Variants in GK5 observed in about 807,000 individuals in gnomAD.
GK5 encodes ATP:glycerol 3-phosphotransferase 5.
A neutral mutation model predicts 77.3 loss-of-function variants in GK5; 39 were observed. That is an observed-to-expected ratio of 0.50 (90% CI 0.39 to 0.66). The LOEUF (loss-of-function observed/expected upper bound fraction) is 0.66. GK5 is among the 30% of genes least tolerant of loss of function. The probability of loss-of-function intolerance (pLI) is 0.00; values close to 1 mark genes in which losing one functional copy is unlikely to be tolerated. For missense variants in GK5, 487 were observed against 633.8 expected, an observed-to-expected ratio of 0.77 and a Z score of 2.49; for synonymous variants, 211 against 208.0, an observed-to-expected ratio of 1.01 and a Z score of -0.13.
Position 142,177,482 on chromosome 3 carries a change from C to G in GK5, c.1143G>C (p.Gln381His). The G allele has an allele frequency of 6.4e-7, 1 of 1,569,558 alleles. No homozygotes were observed. The highest frequency in any genetic ancestry group is 8.8e-7 in the Non-Finnish European group (1 of 1,142,772). ...GCCATTAACTTTAAAAAATACATAC[C>G]TGTAATCCACTAAAAGATGGAACAA... ...VCFVPSFSGL[Q>H]APLNDPWACA... Residue 381 changes from glutamine (Q) to histidine (H), a missense_variant and splice_region_variant, in exon 12 of 16, where the codon CAG becomes CAC. By Grantham distance (24) the Gln-to-His change is conservative (BLOSUM62 0). Transcript: ENST00000392993.
intron 7 of GK5, 27 bp downstream of exon 7, chr3:142,186,408 ACACAAAAATGTGTGATT>A: frequency 8.6e-7 from 1 of 1,166,688 alleles, no homozygotes; most frequent in Non-Finnish European, 1.2e-6. Flanking sequence ...TATCTATATT[ACACAAAAATGTGTGATT>A]CAAAAAGAAG....
chr3:142,192,652 T>C (rs2063868578), intron 5 of GK5, among the ~76,000 whole-genome samples: 1 of 151,734 alleles, frequency 6.6e-6, no homozygotes, highest in Non-Finnish European at 1.5e-5. Flanking sequence ...TAATCTCAGC[T>C]ACTTGGGAGG....
intron 11 of GK5, among the ~76,000 whole-genome samples, chr3:142,178,615 C>T (rs1378879641): frequency 6.6e-6 from 1 of 152,178 alleles, no homozygotes; most frequent in Non-Finnish European, 1.5e-5. Context: ...ATTCTCACCT[C>T]TATATAGTAT....
intron 1 of GK5, among the ~76,000 whole-genome samples, chr3:142,221,150 T>C (rs998579536): frequency 2.6e-5 from 4 of 152,150 alleles, no homozygotes; most frequent in African/African-American, 9.7e-5. Context: ...ACAGTGACAA[T>C]ATGGGGAGTA....
chr3:142,169,538 C>T (rs1197673579), intron 15 of GK5, among the ~76,000 whole-genome samples: 1 of 152,118 alleles, frequency 6.6e-6, no homozygotes, highest in African/African-American at 2.4e-5. Context: ...TGCTCTTTGG[C>T]TATAATTTCT....
In GK5 at chr3:142,161,298, T is replaced by C. The variant is rs1028836204; in HGVS notation, c.*4324A>G. On this transcript the variant is annotated 3_prime_UTR_variant, in exon 16 of 16. Coordinates refer to ENST00000392993, the MANE Select transcript of GK5 (RefSeq NM_001039547.3). ...TTGTAGTTTTAATAGAGATGGGGTT[T>C]CTCCATGTTGGTCAGGCTGGTCTCA... is the stretch of plus-strand genomic sequence containing the variant. 8 of 152,116 alleles carry C rather than the reference T, an allele frequency of 5.3e-5. No individual in the cohort carries two copies. The highest frequency in any genetic ancestry group is 1.0e-4 in the Non-Finnish European group (7 of 68,056). The allele number at this position is 152,116 out of a possible 1,614,324, so 9.4% of individuals were successfully genotyped here.
intron 13 of GK5, among the ~76,000 whole-genome samples, chr3:142,171,999 T>C (rs1009994282): frequency 6.6e-6 from 1 of 152,116 alleles, no homozygotes; most frequent in African/African-American, 2.4e-5. Flanking sequence ...TGACTCAATT[T>C]TGGGGTACAA....
intron 5 of GK5, 25 bp from the exon 6 acceptor site, chr3:142,187,804 C>T (rs764800437): frequency 1.5e-5 from 24 of 1,586,652 alleles, no homozygotes; most frequent in South Asian, 2.3e-5. Flanking sequence ...AGCACAAAAT[C>T]GATTCAAAAA....
intron 5 of GK5, among the ~76,000 whole-genome samples, chr3:142,192,452 C>A (rs1243375537): frequency 6.6e-6 from 1 of 152,158 alleles, no homozygotes; most frequent in African/African-American, 2.4e-5. Flanking sequence ...CTGGAAGTAA[C>A]CAAGATGTTT....
In GK5 at chr3:142,163,102, G is replaced by A. The variant is rs936643083; in HGVS notation, c.*2520C>T. 2.6e-5 allele frequency: 4 copies of A among 151,284 alleles called. No homozygotes were observed. Among genetic ancestry groups the A allele is most frequent in the Admixed American group, 2.6e-4 (4 of 15,184 alleles). 9.4% of individuals were successfully genotyped at this position (151,284 alleles called of 1,614,324 possible). ...TGGTCATGTTTCTGATTTTAGTTAA[G>A]TCCAAAAATATTTATTAAAGTCTTA... On this transcript the variant is annotated 3_prime_UTR_variant, in exon 16 of 16. Coordinates refer to ENST00000392993, the MANE Select transcript of GK5 (RefSeq NM_001039547.3).
intron 6 of GK5, 76 bp from the exon 7 acceptor site, chr3:142,186,589 AC>A: frequency 3.6e-6 from 2 of 552,062 alleles, no homozygotes; most frequent in Non-Finnish European, 6.2e-6. Context: ...TATAATATAG[AC>A]CTTTGTCTAC....
intron 4 of GK5, among the ~76,000 whole-genome samples, chr3:142,201,552 A>G (rs1373909327): frequency 3.3e-5 from 5 of 152,226 alleles, no homozygotes; most frequent in African/African-American, 7.2e-5. Context: ...AGATCTTTGT[A>G]GTGACGGAAC....
At chr3:142,210,350 C>A (rs1368853386) in intron 3 of GK5, among the ~76,000 whole-genome samples, 1 of 152,080 alleles carries the variant, frequency 6.6e-6, no homozygotes, top group Non-Finnish European at 1.5e-5. Flanking sequence ...TCTGTCTCTC[C>A]TTTTCTCTCA....
intron 4 of GK5, among the ~76,000 whole-genome samples, chr3:142,200,435 T>G (rs2064003342): frequency 6.6e-6 from 1 of 152,222 alleles, no homozygotes; most frequent in African/African-American, 2.4e-5. Context: ...CCCAAAGTGC[T>G]GGGATTACAG....
rs115640539 is a variant in GK5, at chr3:142,186,374, A to G, written c.681+78T>C. On this transcript the variant is annotated intron_variant, in intron 7 of 15. Coordinates refer to ENST00000392993, the MANE Select transcript of GK5 (RefSeq NM_001039547.3). Reference sequence around the variant, plus strand: ...CATGATATATTTGTCAATTAAAAATAAACTAATTTTAAAAATTTAAATCTA... The same window carrying G: ...CATGATATATTTGTCAATTAAAAATGAACTAATTTTAAAAATTTAAATCTA... 2.0e-4 allele frequency: 203 copies of G among 1,035,936 alleles called. 3 individuals are homozygous for G. The African/African-American group carries it at 2.9e-3, about 15-fold the overall frequency. 64.2% of individuals were successfully genotyped at this position (1,035,936 alleles called of 1,614,324 possible).
Position 142,161,444 on chromosome 3 carries a change from C to T in GK5, c.*4178G>A, listed in dbSNP as rs1560204959. 2.6e-5 allele frequency: 4 copies of T among 152,148 alleles called. No individual in the cohort carries two copies. Among genetic ancestry groups the T allele is most frequent in the Admixed American group, 6.5e-5 (1 of 15,274 alleles). 9.4% of individuals were successfully genotyped at this position (152,148 alleles called of 1,614,324 possible). A position where few individuals can be genotyped will look rare whatever the true frequency, so the allele number is the denominator to read the frequency against. ...AACAAATATAAATTGCCCCCATCAA[C>T]AAATGTATGTAATATCAAGGATAAC... On this transcript the variant is annotated 3_prime_UTR_variant, in exon 16 of 16. Coordinates refer to ENST00000392993, the MANE Select transcript of GK5 (RefSeq NM_001039547.3).
rs368465736 is a variant in GK5 at position 142,163,198 on chromosome 3, A to T, written c.*2424T>A. The T allele has an allele frequency of 1.4e-4, 22 of 152,046 alleles. No individual in the cohort carries two copies. The highest frequency in any genetic ancestry group is 5.3e-4 in the African/African-American group (22 of 41,396). 9.4% of individuals were successfully genotyped at this position (152,046 alleles called of 1,614,324 possible). ...AGATTCACAGAAGAAAAAAATAGCC[A>T]CTGACACTTGAGGAGATGCTCAATT... On this transcript the variant is annotated 3_prime_UTR_variant, in exon 16 of 16. Transcript: ENST00000392993.
rs1264080670 is a variant in GK5 at position 142,184,326 on chromosome 3, A to AT, written c.817-1278dup. Reference sequence around the variant, plus strand: ...AAATGATAACCAAAAAAAAACTAAGATTTTTTTCATTTTCAACTAACATTT... The same window carrying AT: ...AAATGATAACCAAAAAAAAACTAAGATTTTTTTTCATTTTCAACTAACATTT... On this transcript the variant is annotated intron_variant, in intron 9 of 15. Coordinates refer to ENST00000392993, the MANE Select transcript of GK5 (RefSeq NM_001039547.3). Among the ~76,000 whole-genome samples, 45 of 150,448 alleles carry AT rather than the reference A, an allele frequency of 3.0e-4. No homozygotes were observed. The East Asian group carries it at 8.0e-3, about 27-fold the overall frequency.
intron 1 of GK5, among the ~76,000 whole-genome samples, chr3:142,219,161 T>C (rs1473357971): frequency 6.6e-6 from 1 of 152,178 alleles, no homozygotes; most frequent in Non-Finnish European, 1.5e-5. Flanking sequence ...AAGATAAACA[T>C]TCACTTACCA....
Sources: allele counts gnomAD v4.1 joint callset (sites outside exome capture counted in the v4.1 genomes callset), GRCh38; gene constraint gnomAD v4.1.1; transcripts MANE v1.5; gene names NCBI Gene and HGNC (gene_info 2026-07-23, HGNC 2026-07-21).